The following CIMIP7 variants were observed in gnomAD, a reference collection of about 807,000 sequenced individuals.
CIMIP7 encodes the protein ciliary microtubule inner protein 7.
the CIMIP7 span, among the ~76,000 whole-genome samples, chr3:49,180,847 G>A: frequency 4.0e-5 from 6 of 148,408 alleles, no homozygotes; most frequent in Non-Finnish European, 5.9e-5. Context: ...GGAGAATGGC[G>A]TGAACCCGGG....
At chr3:49,180,365 C>T in the CIMIP7 span, among the ~76,000 whole-genome samples, 1 of 152,182 alleles carries the variant, frequency 6.6e-6, no homozygotes, top group Non-Finnish European at 1.5e-5. Flanking sequence ...CAGAGAAAGC[C>T]CATCTCTTAG....
the CIMIP7 span, among the ~76,000 whole-genome samples, chr3:49,191,107 C>T: frequency 6.6e-6 from 1 of 152,192 alleles, no homozygotes; most frequent in Non-Finnish European, 1.5e-5. Flanking sequence ...TATGGCCCAA[C>T]CTCTTTGTCC....
chr3:49,189,630 A>G, the CIMIP7 span, among the ~76,000 whole-genome samples: 1 of 152,158 alleles, frequency 6.6e-6, no homozygotes, highest in Admixed American at 6.5e-5. Context: ...GAGGCCTCCT[A>G]CTAATTTCTA....
At chr3:49,178,982 C>G in the CIMIP7 span, among the ~76,000 whole-genome samples, 2 of 152,208 alleles carry the variant, frequency 1.3e-5, no homozygotes, top group Non-Finnish European at 2.9e-5. Context: ...CTCAAACTTT[C>G]TCCTGAACTT....
the CIMIP7 span, among the ~76,000 whole-genome samples, chr3:49,184,427 T>G: frequency 6.6e-6 from 1 of 152,128 alleles, no homozygotes; most frequent in Non-Finnish European, 1.5e-5. Flanking sequence ...GTTCAAGAGG[T>G]TCTTATGCCT....
At chr3:49,185,472 G>C in the CIMIP7 span, among the ~76,000 whole-genome samples, 1 of 143,048 alleles carries the variant, frequency 7.0e-6, no homozygotes. Flanking sequence ...AGGCTGAGGT[G>C]GGAGATTTGC....
chr3:49,184,626 ATTTT>A, the CIMIP7 span, among the ~76,000 whole-genome samples: 1 of 133,636 alleles, frequency 7.5e-6, no homozygotes, highest in Non-Finnish European at 1.6e-5. Context: ...GGCCTATGTA[ATTTT>A]TTTTTTTTTT....
the CIMIP7 span, among the ~76,000 whole-genome samples, chr3:49,183,804 G>A: frequency 6.6e-6 from 1 of 152,186 alleles, no homozygotes; most frequent in Non-Finnish European, 1.5e-5. Flanking sequence ...ATTTGTATGA[G>A]CCAAAAACTG....
chr3:49,191,650 A>G, the CIMIP7 span: 12 of 1,424,768 alleles, frequency 8.4e-6, no homozygotes, highest in Admixed American at 8.4e-5. Context: ...TTGGATGCCA[A>G]ATGAAAACCT....
the CIMIP7 span, chr3:49,190,232 GA>G: frequency 1.3e-5 from 10 of 792,820 alleles, no homozygotes; most frequent in Non-Finnish European, 2.0e-5. Context: ...AGGAAAGCCA[GA>G]CCAGAAGCCC....
chr3:49,179,339 T>C, the CIMIP7 span, among the ~76,000 whole-genome samples: 3 of 152,196 alleles, frequency 2.0e-5, no homozygotes, highest in Admixed American at 6.5e-5. Flanking sequence ...CTTTCAAACT[T>C]ACCCCTCCAG....
the CIMIP7 span, among the ~76,000 whole-genome samples, chr3:49,190,813 C>T: frequency 2.8e-4 from 43 of 151,940 alleles, no homozygotes; most frequent in African/African-American, 9.4e-4. Flanking sequence ...GGATTACAGG[C>T]GCCCGCCACC....
At chr3:49,180,748 G>A in the CIMIP7 span, among the ~76,000 whole-genome samples, 1 of 151,750 alleles carries the variant, frequency 6.6e-6, no homozygotes. Context: ...GGCTATCATG[G>A]TGAAACCCCG....
the CIMIP7 span, among the ~76,000 whole-genome samples, chr3:49,181,474 G>A: frequency 1.3e-5 from 2 of 151,960 alleles, no homozygotes; most frequent in Non-Finnish European, 2.9e-5. Context: ...AGTGTGGAAA[G>A]GCTCCCAGAC....
the CIMIP7 span, among the ~76,000 whole-genome samples, chr3:49,186,758 G>A: frequency 5.3e-5 from 8 of 152,104 alleles, no homozygotes; most frequent in Admixed American, 2.6e-4. Context: ...ACGCACGCAC[G>A]CACGCAGAAG....
At chr3:49,183,824 C>G in the CIMIP7 span, among the ~76,000 whole-genome samples, 1 of 152,170 alleles carries the variant, frequency 6.6e-6, no homozygotes, top group African/African-American at 2.4e-5. Context: ...GGAATCAGGT[C>G]AGATATCCTT....
the CIMIP7 span, among the ~76,000 whole-genome samples, chr3:49,187,872 GAC>G: frequency 6.6e-6 from 1 of 152,222 alleles, no homozygotes; most frequent in Admixed American, 6.5e-5. Flanking sequence ...CTGAATCCAA[GAC>G]ACAGATTATG....
chr3:49,178,181 C>T, the CIMIP7 span: 1 of 845,706 alleles, frequency 1.2e-6, no homozygotes, highest in East Asian at 2.7e-5. Flanking sequence ...CCCTGGCCTC[C>T]TTGGCCTGCC....
At chr3:49,190,216 G>A in the CIMIP7 span, 1 of 1,039,684 alleles carries the variant, frequency 9.6e-7, no homozygotes, top group South Asian at 1.4e-5. Flanking sequence ...CCCAACTGAG[G>A]GTTCCAGGAA....
Sources: gnomAD v4.1 joint callset for allele counts (sites outside exome capture counted in the v4.1 genomes callset) on GRCh38, gnomAD v4.1.1 for gene constraint, MANE v1.5 for transcripts, NCBI Gene and HGNC (gene_info 2026-07-23, HGNC 2026-07-21) for gene names.